The following IL2RB variants were observed in gnomAD, a reference collection of about 807,000 sequenced individuals.
IL2RB encodes the protein interleukin 2 receptor subunit beta, also known as interleukin-2 receptor subunit beta.
IL2RB carries 17 observed loss-of-function variants against 44.2 expected under a neutral mutation model. The observed-to-expected ratio is 0.38, with a 90% CI of 0.26 to 0.58. The LOEUF (loss-of-function observed/expected upper bound fraction) is 0.58, where lower values mean the gene tolerates loss of function less well. Ranked by LOEUF, IL2RB falls within the 20% of genes least tolerant of loss-of-function variation. IL2RB has a pLI of 0.63. For missense variants in IL2RB, 624 were observed against 685.5 expected, an observed-to-expected ratio of 0.91 and a Z score of 1.00; for synonymous variants, 286 against 297.9, an observed-to-expected ratio of 0.96 and a Z score of 0.41.
At chr22:37,135,680 C>G (rs1470290444) in intron 7 of IL2RB, among the ~76,000 whole-genome samples, 5 of 152,154 alleles carry the variant, frequency 3.3e-5, no homozygotes, top group Admixed American at 1.3e-4. Context: ...ATGGGCCCCC[C>G]TGGTGAGCCT....
intron 1 of IL2RB, among the ~76,000 whole-genome samples, chr22:37,165,211 G>C (rs1002300896): frequency 2.0e-5 from 3 of 152,236 alleles, no homozygotes; most frequent in African/African-American, 7.2e-5. Flanking sequence ...GGGCCATCTG[G>C]CTCCTAAGCA....
At chr22:37,135,242 TTG>T (rs1921624880) in intron 8 of IL2RB, 84 bp downstream of exon 8, 3 of 854,910 alleles carry the variant, frequency 3.5e-6, no homozygotes. Flanking sequence ...GTATGTGTGC[TTG>T]TGTGCGTGTG....
In IL2RB at chr22:37,163,375, G is replaced by T. The variant is rs1029381270; in HGVS notation, c.-34+11583C>A. 2.6e-5 allele frequency among the ~76,000 whole-genome samples: 4 copies of T among 152,158 alleles called. No homozygotes were observed. The East Asian group carries it at 7.7e-4, about 29-fold the overall frequency. ...CCCATCCTCCAGCTGGAAAGGGTGG[G>T]GTACTTTGATTGAGAGTTCAACCAA... On this transcript the variant is annotated intron_variant, in intron 1 of 5. Transcript: ENST00000429622.
At position 37,127,986 on chromosome 22, in the gene IL2RB, T is replaced by A; in HGVS notation, c.*110A>T. On this transcript the variant is annotated 3_prime_UTR_variant, in exon 10 of 10. Transcript: ENST00000216223. ...GGCCATCCGGGTGGAGAAGTCCAGCTGCAACTGGACACTGAGTGTCCTCAG... is the reference window on the plus strand; with the variant it reads ...GGCCATCCGGGTGGAGAAGTCCAGCAGCAACTGGACACTGAGTGTCCTCAG... 16 of 911,602 alleles carry A rather than the reference T, an allele frequency of 1.8e-5. No individual in the cohort carries two copies. Among genetic ancestry groups the A allele is most frequent in the Non-Finnish European group, 2.3e-5 (15 of 660,536 alleles). 56.5% of individuals were successfully genotyped at this position (911,602 alleles called of 1,614,324 possible). A position where few individuals can be genotyped will look rare whatever the true frequency, so the allele number is the denominator to read the frequency against.
chr22:37,128,843 C>A lies in IL2RB; in HGVS notation c.909G>T (p.Trp303Cys). The A allele has an allele frequency of 6.3e-7, 1 of 1,599,626 alleles. No individual in the cohort carries two copies. Among genetic ancestry groups the A allele is most frequent in the Non-Finnish European group, 8.5e-7 (1 of 1,169,886 alleles). Residue 303 changes from tryptophan to cysteine, a missense_variant, in exon 10 of 10, where the codon TGG (tryptophan) becomes TGT (cysteine). By Grantham distance (215) the Trp-to-Cys change is radical. This residue lies in a region of IL2RB where 255 missense variants were observed against 339.9 expected (regional missense o/e 0.75). Coordinates refer to ENST00000216223, the MANE Select transcript of IL2RB (RefSeq NM_000878.5). The surrounding 1 kb of genome is among the most constrained non-coding windows in gnomAD (Gnocchi z 4.5). Reference sequence around the variant, plus strand: ...ACGATGAGGGGAAGGGCGAAGAGAGCCACTTCTGGTGGGAGAAAGGCCAGG... The same window carrying A: ...ACGATGAGGGGAAGGGCGAAGAGAGACACTTCTGGTGGGAGAAAGGCCAGG... ...SSEHGGDVQK[W>C]LSSPFPSSSF... is the part of the protein sequence containing the mutation.
rs181105210 is a variant in IL2RB, at chr22:37,165,294, G to A, written c.-34+9664C>T. Among the ~76,000 whole-genome samples, 106 of 152,342 alleles carry A rather than the reference G, an allele frequency of 7.0e-4. 1 individual carries two copies. Among genetic ancestry groups the A allele is most frequent in the South Asian group, 1.2e-3 (6 of 4,830 alleles). On this transcript the variant is annotated intron_variant, in intron 1 of 5. Coordinates refer to the IL2RB transcript ENST00000429622. ...ATGAGAATTTGAGCTATGGCTGGCC[G>A]CATCTGTGCCTGCTCTGGCCGTGTG...
chr22:37,172,765 T>G (rs557493141), intron 1 of IL2RB, among the ~76,000 whole-genome samples: 24 of 152,360 alleles, frequency 1.6e-4, no homozygotes, highest in Middle Eastern at 3.4e-3. Flanking sequence ...CATCGTGATG[T>G]CTCTGAACCT....
chr22:37,168,554 C>T (rs540057446), intron 1 of IL2RB, among the ~76,000 whole-genome samples: 8 of 152,326 alleles, frequency 5.3e-5, no homozygotes, highest in South Asian at 2.1e-4. Context: ...CTGAAACATG[C>T]GACTACTCCC....
At position 37,128,879 on chromosome 22, in the gene IL2RB, TG is replaced by T; in HGVS notation, c.904-32del. ...GGGAGAAAGGCCAGGGGTGGGTGAG[TG>T]GGGGCTTCCTTCACCCTCCACCCCT... is the stretch of plus-strand genomic sequence containing the variant. On this transcript the variant is annotated intron_variant, in intron 9 of 9. Transcript: ENST00000216223. This position sits in a 1 kb window ranked among gnomAD's most constrained non-coding sequence, Gnocchi z 4.5. The T allele has an allele frequency of 6.4e-7, 1 of 1,566,492 alleles. No homozygotes were observed. The highest frequency in any genetic ancestry group is 8.7e-7 in the Non-Finnish European group (1 of 1,153,226).
At chr22:37,172,436 T>C (rs1923321195) in intron 1 of IL2RB, among the ~76,000 whole-genome samples, 1 of 152,192 alleles carries the variant, frequency 6.6e-6, no homozygotes, top group African/African-American at 2.4e-5. Flanking sequence ...CCTGCTAGGG[T>C]TGGGGCCTCC....
At chr22:37,167,294 C>T (rs922634232) in intron 1 of IL2RB, among the ~76,000 whole-genome samples, 2 of 152,076 alleles carry the variant, frequency 1.3e-5, no homozygotes, top group African/African-American at 4.8e-5. Flanking sequence ...AAGTGCCAAG[C>T]GCTCACAGTC....
At chr22:37,143,964 G>T in intron 2 of IL2RB, 121 bp downstream of exon 2, 1 of 1,327,556 alleles carries the variant, frequency 7.5e-7, no homozygotes, top group Non-Finnish European at 1.1e-6. Flanking sequence ...CAGGACAGAG[G>T]GTGAGGCAGG....
Position 37,126,102 on chromosome 22 carries a change from G to A in IL2RB, c.*1994C>T, listed in dbSNP as rs929059322. The A allele has an allele frequency of 1.3e-5, 2 of 152,170 alleles. No individual in the cohort carries two copies. Among genetic ancestry groups the A allele is most frequent in the African/African-American group, 4.8e-5 (2 of 41,434 alleles). The allele number at this position is 152,170 out of a possible 1,614,324, so 9.4% of individuals were successfully genotyped here. On this transcript the variant is annotated 3_prime_UTR_variant, in exon 10 of 10. Coordinates refer to ENST00000216223, the MANE Select transcript of IL2RB (RefSeq NM_000878.5). ...CCAAGAAGTGGGAGCCTCCCAAAGT[G>A]GAGAAGGCAAATACAATTTCCATTT...
At chr22:37,147,124 A>C (rs1209691273) in intron 1 of IL2RB, among the ~76,000 whole-genome samples, 1 of 152,148 alleles carries the variant, frequency 6.6e-6, no homozygotes, top group Non-Finnish European at 1.5e-5. Context: ...CCGCTCTGCC[A>C]CCCCCTTAGT....
upstream of IL2RB, among the ~76,000 whole-genome samples, chr22:37,153,972 T>C (rs921944852): frequency 3.9e-5 from 6 of 152,206 alleles, no homozygotes; most frequent in African/African-American, 1.4e-4. Flanking sequence ...TTCCTCCTCA[T>C]CCTGCTTTCC....
At chr22:37,172,966 C>A (rs890388264) in intron 1 of IL2RB, among the ~76,000 whole-genome samples, 2 of 152,134 alleles carry the variant, frequency 1.3e-5, no homozygotes, top group African/African-American at 4.8e-5. Flanking sequence ...TAGCTCAGGT[C>A]CTGGATGAGC....
rs1015670508 is a variant in IL2RB at position 37,142,364 on chromosome 22, C to A, written c.282+70G>T. 3.5e-6 allele frequency: 5 copies of A among 1,435,106 alleles called. No homozygotes were observed. The African/African-American group carries it at 7.0e-5, about 20-fold the overall frequency. The allele number at this position is 1,435,106 out of a possible 1,614,324, so 88.9% of individuals were successfully genotyped here. ...AGCTCTTCCCCTGGCATCCGGCCCA[C>A]CCTGAGATCGCAGCCCGGAGCTGGG... On this transcript the variant is annotated intron_variant, in intron 4 of 9. Transcript: ENST00000216223.
chr22:37,160,369 G>C (rs1203315870), intron 1 of IL2RB, among the ~76,000 whole-genome samples: 1 of 152,196 alleles, frequency 6.6e-6, no homozygotes, highest in East Asian at 1.9e-4. Context: ...CCAGTACCAC[G>C]CAGCATGATC....
chr22:37,154,577 T>TTC (rs1922611551), upstream of IL2RB, among the ~76,000 whole-genome samples: 1 of 148,552 alleles, frequency 6.7e-6, no homozygotes, highest in African/African-American at 2.5e-5. Flanking sequence ...TTTTTTTTCT[T>TTC]TTTTTTTTTT....
Sources: gnomAD v4.1 joint callset for allele counts (sites outside exome capture counted in the v4.1 genomes callset) on GRCh38, gnomAD v4.1.1 for gene constraint, gnomAD v4.1.1 regional missense constraint, Gnocchi (gnomAD v3.1) non-coding constraint, MANE v1.5 for transcripts, NCBI Gene and HGNC (gene_info 2026-07-23, HGNC 2026-07-21) for gene names.